NUBPL: variants seen among roughly 807,000 people sequenced by gnomAD.
NUBPL encodes the protein NUBP iron-sulfur cluster assembly factor, mitochondrial, also known as iron-sulfur cluster transfer protein NUBPL.
NUBPL carries 31 observed loss-of-function variants against 45.7 expected under a neutral mutation model. The observed-to-expected ratio is 0.68, with a 90% CI of 0.51 to 0.92. The LOEUF (loss-of-function observed/expected upper bound fraction) is 0.92, where lower values mean the gene tolerates loss of function less well. Among genes scored for constraint, NUBPL ranks in the 40% least tolerant of loss-of-function variants. NUBPL has a pLI of 0.00. For synonymous variants in NUBPL, 144 were observed against 140.9 expected, an observed-to-expected ratio of 1.02 and a Z score of -0.15; for missense variants, 401 against 398.7, an observed-to-expected ratio of 1.01 and a Z score of -0.05.
At chr14:31,664,054 A>T (rs1286535143) in intron 4 of NUBPL, among the ~76,000 whole-genome samples, 1 of 152,178 alleles carries the variant, frequency 6.6e-6, no homozygotes, top group Non-Finnish European at 1.5e-5. Context: ...TTATTGGTGT[A>T]TAGGAATGCT....
At chr14:31,596,358 G>A (rs1489709637) in intron 3 of NUBPL, among the ~76,000 whole-genome samples, 1 of 152,188 alleles carries the variant, frequency 6.6e-6, no homozygotes, top group Non-Finnish European at 1.5e-5. Context: ...CTCTGACGCT[G>A]AGATGACTGG....
At chr14:31,826,043 A>G (rs1031328898) in intron 7 of NUBPL, among the ~76,000 whole-genome samples, 5 of 152,046 alleles carry the variant, frequency 3.3e-5, no homozygotes, top group African/African-American at 1.2e-4. Context: ...TAACTAGCAC[A>G]TTATCTGAAT....
intron 6 of NUBPL, among the ~76,000 whole-genome samples, chr14:31,707,803 C>G (rs1467908322): frequency 6.6e-6 from 1 of 152,186 alleles, no homozygotes; most frequent in Non-Finnish European, 1.5e-5. Flanking sequence ...TGGCACGAGG[C>G]TTCTGAACTG....
chr14:31,853,085 T>G lies in NUBPL; in HGVS notation c.897+2884T>G, dbSNP rs12433514. Among the ~76,000 whole-genome samples, 569 of 62,878 alleles carry G rather than the reference T, an allele frequency of 9.0e-3. 4 individuals are homozygous for G. The highest frequency in any genetic ancestry group is 0.04 in the African/African-American group (414 of 10,424). The allele number at this position is 62,878 out of a possible 152,430, so 41.3% of individuals were successfully genotyped here. A position where few individuals can be genotyped will look rare whatever the true frequency, so the allele number is the denominator to read the frequency against. The stretch of plus-strand genomic sequence containing the variant: ...TGATACTGTTGTGTTGTGTTGTGTT[T>G]TGTTTTGTTTTGTTTTGTTTTGTTT... On this transcript the variant is annotated intron_variant, in intron 10 of 10. Coordinates refer to ENST00000281081, the MANE Select transcript of NUBPL (RefSeq NM_025152.3).
chr14:31,682,972 A>G (rs1374256608), intron 6 of NUBPL, among the ~76,000 whole-genome samples: 2 of 150,726 alleles, frequency 1.3e-5, no homozygotes, highest in African/African-American at 4.9e-5. Context: ...TGCAGAGATC[A>G]CCTGACAAGA....
At chr14:31,693,741 T>G (rs2037142831) in intron 6 of NUBPL, among the ~76,000 whole-genome samples, 2 of 148,430 alleles carry the variant, frequency 1.3e-5, no homozygotes, top group South Asian at 4.2e-4. Context: ...TGAGGAACAT[T>G]AATTAATTCA....
chr14:31,693,857 CTT>C (rs36082577), intron 6 of NUBPL, among the ~76,000 whole-genome samples: 3 of 59,156 alleles, frequency 5.1e-5, no homozygotes, highest in African/African-American at 4.3e-5. Flanking sequence ...CTTTTCTTTT[CTT>C]TTTTTTTTTT....
intron 6 of NUBPL, among the ~76,000 whole-genome samples, chr14:31,777,174 T>A (rs775666020): frequency 6.6e-6 from 1 of 152,162 alleles, no homozygotes; most frequent in Non-Finnish European, 1.5e-5. Context: ...AGTCAGCAAA[T>A]GGCTACATGG....
intron 6 of NUBPL, among the ~76,000 whole-genome samples, chr14:31,734,043 T>C (rs1014231467): frequency 6.6e-6 from 1 of 152,226 alleles, no homozygotes; most frequent in African/African-American, 2.4e-5. Flanking sequence ...TTCTCCTTTA[T>C]TCTGCTAATG....
chr14:31,833,668 G>C, intron 8 of NUBPL, among the ~76,000 whole-genome samples: 1 of 152,146 alleles, frequency 6.6e-6, no homozygotes, highest in Admixed American at 6.5e-5. Context: ...CTTCTTCCAT[G>C]CAGTCTTTCA....
At chr14:31,654,010 A>G (rs1447307634) in intron 4 of NUBPL, 3 of 427,206 alleles carry the variant, frequency 7.0e-6, no homozygotes, top group African/African-American at 6.1e-5. Flanking sequence ...GGAAGATATT[A>G]TGTCTGTTTT....
intron 7 of NUBPL, among the ~76,000 whole-genome samples, chr14:31,818,460 T>A (rs1216244026): frequency 6.6e-6 from 1 of 152,208 alleles, no homozygotes; most frequent in Non-Finnish European, 1.5e-5. Flanking sequence ...CTTCATCAAT[T>A]AGGATGATTT....
chr14:31,839,736 C>T (rs912258004), intron 8 of NUBPL, among the ~76,000 whole-genome samples: 10 of 152,024 alleles, frequency 6.6e-5, no homozygotes, highest in African/African-American at 2.4e-4. Context: ...GGAACTCAAC[C>T]CAATAGCAAG....
chr14:31,831,509 A>ATACCATACCATACCG (rs2040192158), intron 8 of NUBPL, among the ~76,000 whole-genome samples: 1 of 151,602 alleles, frequency 6.6e-6, no homozygotes, highest in Non-Finnish European at 1.5e-5. Flanking sequence ...ATACCATACC[A>ATACCATACCATACCG]TACCATACTA....
intron 3 of NUBPL, among the ~76,000 whole-genome samples, chr14:31,584,515 A>G (rs1213749731): frequency 6.6e-6 from 1 of 152,168 alleles, no homozygotes; most frequent in Non-Finnish European, 1.5e-5. Flanking sequence ...GGCTTTTAGT[A>G]TATTTACAGA....
intron 3 of NUBPL, among the ~76,000 whole-genome samples, chr14:31,568,182 CGGAAAATTCAATGGA>C (rs2033488367): frequency 6.6e-6 from 1 of 152,072 alleles, no homozygotes; most frequent in East Asian, 1.9e-4. Flanking sequence ...AGGAAGGAAA[CGGAAAATTCAATGGA>C]TGGGAAGGTA....
chr14:31,569,043 G>A (rs1333273880), intron 3 of NUBPL, among the ~76,000 whole-genome samples: 2 of 152,066 alleles, frequency 1.3e-5, no homozygotes, highest in Non-Finnish European at 2.9e-5. Flanking sequence ...ACATATTGAG[G>A]ATGTATGCCC....
chr14:31,725,908 T>G (rs2139962428), intron 6 of NUBPL, among the ~76,000 whole-genome samples: 1 of 151,858 alleles, frequency 6.6e-6, no homozygotes, highest in Admixed American at 6.6e-5. Context: ...CGGGGTTTCA[T>G]CATGTTGGCC....
chr14:31,826,911 T>C (rs2040115292), intron 8 of NUBPL, among the ~76,000 whole-genome samples, 197 bp downstream of exon 8: 2 of 152,204 alleles, frequency 1.3e-5, no homozygotes, highest in South Asian at 2.1e-4. Context: ...TCCATAAGAA[T>C]TGTAAAACAC....
Sources: allele counts gnomAD v4.1 joint callset (sites outside exome capture counted in the v4.1 genomes callset), GRCh38; gene constraint gnomAD v4.1.1; transcripts MANE v1.5; gene names NCBI Gene and HGNC (gene_info 2026-07-23, HGNC 2026-07-21).